The following NCAPH2 variants were observed in gnomAD, a reference collection of about 807,000 sequenced individuals.
The protein encoded by NCAPH2 is non-SMC condensin II complex subunit H2, also known as condensin-2 complex subunit H2.
In NCAPH2, 56 loss-of-function variants were observed where a neutral mutation model predicts 88.6. That is an observed-to-expected ratio of 0.63 (90% CI 0.51 to 0.79). NCAPH2 has a LOEUF of 0.79. Ranked by LOEUF, NCAPH2 falls within the 30% of genes least tolerant of loss-of-function variation. The pLI is 0.00. For synonymous variants in NCAPH2, 378 were observed against 313.6 expected, an observed-to-expected ratio of 1.21 and a Z score of -2.17; for missense variants, 794 against 792.0, an observed-to-expected ratio of 1.00 and a Z score of -0.03.
At position 50,521,039 on chromosome 22, in the gene NCAPH2, A is replaced by G. The variant is rs962346755; in HGVS notation, c.933+3A>G. ...CAGAGCCTGCATCCTGCGTGAAGGTAGGAGTGTTGGGGCCCTGACCCCCGG... is the reference window on the plus strand; with the variant it reads ...CAGAGCCTGCATCCTGCGTGAAGGTGGGAGTGTTGGGGCCCTGACCCCCGG... On this transcript the variant is annotated splice_donor_region_variant and intron_variant, in intron 10 of 19. Transcript: ENST00000420993. The G allele has an allele frequency of 5.2e-6, 8 of 1,549,986 alleles. No homozygotes were observed. Among genetic ancestry groups the G allele is most frequent in the Non-Finnish European group, 8.7e-7 (1 of 1,146,778 alleles).
chr22:50,523,661 A>AGATCTGCTCAGCC lies in NCAPH2; in HGVS notation c.*296_*308dup, dbSNP rs767877816. ...GCCATGTGCCGCCGCACACTGTCTG[A>AGATCTGCTCAGCC]GATCTGCTCAGCCGATCTGCTCCGG... On this transcript the variant is annotated 3_prime_UTR_variant, in exon 20 of 20. Coordinates refer to ENST00000420993, the MANE Select transcript of NCAPH2 (RefSeq NM_152299.4). The AGATCTGCTCAGCC allele has an allele frequency of 6.2e-6, 10 of 1,614,048 alleles. No individual in the cohort carries two copies. Among genetic ancestry groups the AGATCTGCTCAGCC allele is most frequent in the Middle Eastern group, 1.7e-4 (1 of 6,042 alleles).
In NCAPH2 at chr22:50,524,271, A is replaced by G. The variant is rs766657818; in HGVS notation, c.*896A>G. 1.2e-6 allele frequency: 2 copies of G among 1,603,420 alleles called. No homozygotes were observed. Among genetic ancestry groups the G allele is most frequent in the South Asian group, 2.2e-5 (2 of 91,006 alleles). ...CAGGGCCCTGGGGCTGGCCCTGCCC[A>G]CCTGTCTCTGCAGGGCCCTGCCTTG... On this transcript the variant is annotated 3_prime_UTR_variant, in exon 20 of 20. Transcript: ENST00000420993.
intron 2 of NCAPH2, 75 bp downstream of exon 2, chr22:50,516,623 G>A (rs1370098714): frequency 7.2e-7 from 1 of 1,393,954 alleles, no homozygotes; most frequent in Non-Finnish European, 1.0e-6. Context: ...TCTGGGGCAG[G>A]TGCAGTGGTC....
chr22:50,508,970 C>T (rs1486386935), intron 1 of NCAPH2, among the ~76,000 whole-genome samples: 1 of 152,224 alleles, frequency 6.6e-6, no homozygotes, highest in Non-Finnish European at 1.5e-5. Context: ...CTCAGCCCAG[C>T]TCAGTCTGGC....
chr22:50,516,569 G>T lies in NCAPH2; in HGVS notation c.210+21G>T, dbSNP rs755535814. On this transcript the variant is annotated intron_variant, in intron 2 of 19. Transcript: ENST00000420993. The stretch of plus-strand genomic sequence containing the variant: ...AGAAGGTGGGCCCTGCTTGACGCTG[G>T]TCTTGGCATTTTGGTGGCCAGTGGG... 4 of 1,611,474 alleles carry T rather than the reference G, an allele frequency of 2.5e-6. No individual in the cohort carries two copies. In the Admixed American group the frequency reaches 5.0e-5, roughly 20 times the overall value.
Position 50,524,493 on chromosome 22 carries a change from A to G in NCAPH2, c.*1118A>G. On this transcript the variant is annotated 3_prime_UTR_variant, in exon 20 of 20. Coordinates refer to ENST00000420993, the MANE Select transcript of NCAPH2 (RefSeq NM_152299.4). The stretch of plus-strand genomic sequence containing the variant: ...GGACAGTGCCTGGGCTGCCCCTGCG[A>G]CTTGAGACCAGCCACCCATCTGAAG... The G allele has an allele frequency of 7.0e-7, 1 of 1,431,368 alleles. No individual in the cohort carries two copies. The highest frequency in any genetic ancestry group is 9.7e-7 in the Non-Finnish European group (1 of 1,030,146). The allele number at this position is 1,431,368 out of a possible 1,614,324, so 88.7% of individuals were successfully genotyped here. A position where few individuals can be genotyped will look rare whatever the true frequency, so the allele number is the denominator to read the frequency against.
chr22:50,523,804 T>C lies in NCAPH2; in HGVS notation c.*429T>C, dbSNP rs1188657744. The C allele has an allele frequency of 1.2e-6, 2 of 1,614,108 alleles. No individual in the cohort carries two copies. The highest frequency in any genetic ancestry group is 2.2e-5 in the East Asian group (1 of 44,890). ...TGCATTGTAGTACACGCGGTAACTG[T>C]GACTAGCCTGGGCAACCTGTTTGGT... On this transcript the variant is annotated 3_prime_UTR_variant, in exon 20 of 20. Transcript: ENST00000420993.
At position 50,522,393 on chromosome 22, in the gene NCAPH2, C is replaced by A. The variant is rs751301179; in HGVS notation, c.1284C>A (p.Ser428=). The A allele has an allele frequency of 1.2e-6, 2 of 1,609,794 alleles. No homozygotes were observed. The highest frequency in any genetic ancestry group is 8.5e-7 in the Non-Finnish European group (1 of 1,177,724). ...CAGAGGAGGACCACCTGGAGGATTC[C>A]CTGGAAGACCTGGGGGCAGCAGGTG... ...RPAEEDHLED[S]LEDLGAADDF... The change falls in exon 15 of 20, where the codon TCC becomes TCA. Residue 428 remains serine (S), a synonymous_variant. Coordinates refer to ENST00000420993, the MANE Select transcript of NCAPH2 (RefSeq NM_152299.4).
Position 50,524,331 on chromosome 22 carries a change from TC to T in NCAPH2, c.*959del. The T allele has an allele frequency of 1.2e-6, 2 of 1,601,580 alleles. No homozygotes were observed. Among genetic ancestry groups the T allele is most frequent in the Non-Finnish European group, 1.7e-6 (2 of 1,179,892 alleles). On this transcript the variant is annotated 3_prime_UTR_variant, in exon 20 of 20. Coordinates refer to ENST00000420993, the MANE Select transcript of NCAPH2 (RefSeq NM_152299.4). ...AGGACCTCAGATGCAGGGCCTGGCCTCCCAGGGTCCCAGGGAGGACCCGAGG... is the reference window on the plus strand; with the variant it reads ...AGGACCTCAGATGCAGGGCCTGGCCTCCAGGGTCCCAGGGAGGACCCGAGG...
intron 7 of NCAPH2, among the ~76,000 whole-genome samples, 183 bp from the exon 8 acceptor site, chr22:50,518,466 A>G (rs529069235): frequency 9.2e-5 from 14 of 152,096 alleles, no homozygotes; most frequent in Non-Finnish European, 1.3e-4. Flanking sequence ...ACAAGTTAAC[A>G]TGGTCTCAGT....
At chr22:50,522,110 C>T in intron 13 of NCAPH2, 71 bp downstream of exon 13, 4 of 1,612,524 alleles carry the variant, frequency 2.5e-6, no homozygotes, top group Non-Finnish European at 3.4e-6. Flanking sequence ...CTGGTGTCAC[C>T]CAAAGCCTTG....
intron 1 of NCAPH2, 103 bp from the exon 2 acceptor site, chr22:50,516,344 C>CG (rs1423409867): frequency 2.3e-5 from 23 of 1,014,370 alleles, no homozygotes; most frequent in East Asian, 1.5e-4. Flanking sequence ...CTGCCCGTCT[C>CG]GGGAGGTGCT....
At position 50,521,569 on chromosome 22, in the gene NCAPH2, G is replaced by C. The variant is rs1235386565; in HGVS notation, c.960G>C (p.Leu320=). 1.9e-6 allele frequency: 3 copies of C among 1,613,514 alleles called. No homozygotes were observed. In the African/African-American group the frequency reaches 4.0e-5, roughly 22 times the overall value. ...VKETPDPWQS[L]DPFDSLESKP... is the part of the protein sequence containing the mutation. Reference sequence around the variant, plus strand: ...AGACTCCAGACCCCTGGCAGAGCCTGGACCCCTTTGACTCCTTGGAGTCTA... The same window carrying C: ...AGACTCCAGACCCCTGGCAGAGCCTCGACCCCTTTGACTCCTTGGAGTCTA... The change falls in exon 11 of 20, where the codon CTG becomes CTC. Residue 320 remains leucine, a synonymous_variant. Transcript: ENST00000420993.
At position 50,518,146 on chromosome 22, in the gene NCAPH2, G is replaced by A. The variant is rs996478861; in HGVS notation, c.514G>A (p.Val172Ile). The change falls in exon 7 of 20, where the codon GTC (valine) becomes ATC (isoleucine). Residue 172 changes from valine to isoleucine, a missense_variant. Val to Ile is a conservative substitution (Grantham distance 29). Coordinates refer to ENST00000420993, the MANE Select transcript of NCAPH2 (RefSeq NM_152299.4). ...NNPLYSRQGEVLASRKDFRMN... is the reference protein window; with the variant it reads ...NNPLYSRQGEILASRKDFRMN... Reference sequence around the variant, plus strand: ...TTGCCAGCACAGCCGTCAGGGTGAGGTCCTGGCCAGCCGGAAGGATTTCAG... The same window carrying A: ...TTGCCAGCACAGCCGTCAGGGTGAGATCCTGGCCAGCCGGAAGGATTTCAG... 6.2e-7 allele frequency: 1 copy of A among 1,614,014 alleles called. No individual in the cohort carries two copies. The highest frequency in any genetic ancestry group is 1.3e-5 in the African/African-American group (1 of 74,940).
chr22:50,522,097 C>G (rs535080032), intron 13 of NCAPH2, 58 bp downstream of exon 13: 4 of 1,612,860 alleles, frequency 2.5e-6, no homozygotes, highest in South Asian at 2.2e-5. Flanking sequence ...CCTCTTCCCC[C>G]ACCTGGTGTC....
rs1259522334 is a variant in NCAPH2, at chr22:50,519,099, A to G, written c.731-91A>G. The G allele has an allele frequency of 7.8e-6, 10 of 1,279,270 alleles. No individual in the cohort carries two copies. In the East Asian group the frequency reaches 2.0e-4, roughly 26 times the overall value. 79.2% of individuals were successfully genotyped at this position (1,279,270 alleles called of 1,614,324 possible). A position where few individuals can be genotyped will look rare whatever the true frequency, so the allele number is the denominator to read the frequency against. ...CAAATCCTCTGGGCTCCGTGACTAA[A>G]GCTGAGGGAGGAAGTAGCCATCAGG... On this transcript the variant is annotated intron_variant, in intron 8 of 19. Coordinates refer to ENST00000420993, the MANE Select transcript of NCAPH2 (RefSeq NM_152299.4).
At chr22:50,522,094 C>T (rs369600327) in intron 13 of NCAPH2, 55 bp downstream of exon 13, 21 of 1,613,094 alleles carry the variant, frequency 1.3e-5, no homozygotes, top group Non-Finnish European at 1.8e-5. Context: ...CTACCTCTTC[C>T]CCCACCTGGT....
At chr22:50,511,529 G>A (rs2068782876) in intron 1 of NCAPH2, among the ~76,000 whole-genome samples, 1 of 143,184 alleles carries the variant, frequency 7.0e-6, no homozygotes, top group Non-Finnish European at 1.5e-5. Context: ...CTGACCTCAT[G>A]ATCCACCCGC....
intron 9 of NCAPH2, chr22:50,519,705 G>A (rs528464726): frequency 1.6e-4 from 167 of 1,075,380 alleles, no homozygotes; most frequent in Admixed American, 6.4e-4. Context: ...ACCCAGCCTA[G>A]AGCCAAGAAA....
Sources: gnomAD v4.1 joint callset for allele counts (sites outside exome capture counted in the v4.1 genomes callset) on GRCh38, gnomAD v4.1.1 for gene constraint, MANE v1.5 for transcripts, NCBI Gene and HGNC (gene_info 2026-07-23, HGNC 2026-07-21) for gene names.